The following SMLR1 variants were observed in gnomAD, a reference collection of about 807,000 sequenced individuals.
SMLR1 encodes the protein small leucine-rich protein 1.
A neutral mutation model predicts 6.1 loss-of-function variants in SMLR1; 3 were observed. That is an observed-to-expected ratio of 0.49 (90% CI 0.22 to 1.28). The LOEUF (loss-of-function observed/expected upper bound fraction) is 1.28, where lower values mean the gene tolerates loss of function less well. Ranked by LOEUF, SMLR1 falls within the 50% of genes most tolerant of loss-of-function variation. The probability of loss-of-function intolerance (pLI) is 0.19; values close to 1 mark genes in which losing one functional copy is unlikely to be tolerated. For synonymous variants in SMLR1, 55 were observed against 53.6 expected (o/e 1.03, Z -0.11); for missense variants, 126 against 124.8 (o/e 1.01, Z -0.05).
intron 1 of SMLR1, among the ~76,000 whole-genome samples, chr6:130,834,525 C>T (rs1774577016): frequency 6.6e-6 from 1 of 152,158 alleles, no homozygotes; most frequent in Non-Finnish European, 1.5e-5. Context: ...TGCCCAGACA[C>T]ATTTTTGGGA....
rs370333874 is a variant in SMLR1 at position 130,829,718 on chromosome 6, C to T, written c.238+2067C>T. On this transcript the variant is annotated intron_variant, in intron 1 of 1. Coordinates refer to ENST00000541421, the MANE Select transcript of SMLR1 (RefSeq NM_001195597.2). ...CTCCCAATAACCTCTTGTTTCTTCA[C>T]ACTTCCTTCCCCTTTCTTCATTCCA... Among the ~76,000 whole-genome samples the T allele has an allele frequency of 9.8e-5, 15 of 152,352 alleles. No individual in the cohort carries two copies. In the South Asian group the frequency reaches 3.1e-3, roughly 32 times the overall value.
intron 1 of SMLR1, 22 bp downstream of exon 1, chr6:130,827,673 G>A (rs1040274360): frequency 5.3e-6 from 8 of 1,520,744 alleles, no homozygotes; most frequent in Admixed American, 3.9e-5. Context: ...GCCACACAAG[G>A]AAGAACTTGG....
At chr6:130,828,844 C>T (rs1774356937) in intron 1 of SMLR1, among the ~76,000 whole-genome samples, 1 of 152,142 alleles carries the variant, frequency 6.6e-6, no homozygotes, top group African/African-American at 2.4e-5. Flanking sequence ...CCTCCACTGC[C>T]CTAAGACCAG....
At chr6:130,831,299 T>C (rs1210336278) in intron 1 of SMLR1, among the ~76,000 whole-genome samples, 2 of 152,162 alleles carry the variant, frequency 1.3e-5, no homozygotes, top group Admixed American at 1.3e-4. Flanking sequence ...AAACCATCTT[T>C]CGGTTGTATT....
At chr6:130,829,637 TG>T (rs1469362685) in intron 1 of SMLR1, among the ~76,000 whole-genome samples, 1 of 152,242 alleles carries the variant, frequency 6.6e-6, no homozygotes, top group Non-Finnish European at 1.5e-5. Flanking sequence ...ACCTTAAGTT[TG>T]TAACTCAATA....
intron 1 of SMLR1, among the ~76,000 whole-genome samples, chr6:130,833,059 C>T (rs1413755): frequency 0.26 from 40,105 of 152,054 alleles, 6,613 homozygotes; most frequent in Non-Finnish European, 0.37. Flanking sequence ...TCCACAACCA[C>T]GACCTTGGGT....
At position 130,835,236 on chromosome 6, in the gene SMLR1, T is replaced by C. The variant is rs1774617021; in HGVS notation, c.*281T>C. The C allele has an allele frequency of 3.1e-6, 1 of 325,442 alleles. No homozygotes were observed. Among genetic ancestry groups the C allele is most frequent in the African/African-American group, 2.1e-5 (1 of 48,412 alleles). The allele number at this position is 325,442 out of a possible 1,614,324, so 20.2% of individuals were successfully genotyped here. On this transcript the variant is annotated 3_prime_UTR_variant, in exon 2 of 2. Coordinates refer to ENST00000541421, the MANE Select transcript of SMLR1 (RefSeq NM_001195597.2). ...AACTTTTTAACTTTTATTGTGACTGTGTCTGCTCTAAACGGCATATTTAAA... is the reference window on the plus strand; with the variant it reads ...AACTTTTTAACTTTTATTGTGACTGCGTCTGCTCTAAACGGCATATTTAAA...
chr6:130,833,246 T>C (rs537796011), intron 1 of SMLR1, among the ~76,000 whole-genome samples: 8 of 152,308 alleles, frequency 5.3e-5, no homozygotes, highest in Admixed American at 1.3e-4. Flanking sequence ...GATGATTCAC[T>C]GTAGATTGAC....
At chr6:130,831,070 G>C (rs1004465288) in intron 1 of SMLR1, among the ~76,000 whole-genome samples, 1 of 152,132 alleles carries the variant, frequency 6.6e-6, no homozygotes, top group Non-Finnish European at 1.5e-5. Flanking sequence ...GAACTCTCTC[G>C]GGGTCTGGAT....
chr6:130,831,812 A>T (rs1774458471), intron 1 of SMLR1, among the ~76,000 whole-genome samples: 1 of 152,232 alleles, frequency 6.6e-6, no homozygotes, highest in Non-Finnish European at 1.5e-5. Context: ...TGCCTGTCTC[A>T]TACAGCTGGG....
At chr6:130,830,383 C>T (rs1774404175) in intron 1 of SMLR1, among the ~76,000 whole-genome samples, 1 of 152,018 alleles carries the variant, frequency 6.6e-6, no homozygotes, top group African/African-American at 2.4e-5. Context: ...GTAGGAATTA[C>T]AGGAAGAGTG....
chr6:130,832,234 T>A (rs1774481630), intron 1 of SMLR1, among the ~76,000 whole-genome samples: 1 of 152,160 alleles, frequency 6.6e-6, no homozygotes, highest in African/African-American at 2.4e-5. Flanking sequence ...AATTGTTGTC[T>A]AAAATGACAA....
chr6:130,833,365 C>T (rs991251366), intron 1 of SMLR1, among the ~76,000 whole-genome samples: 5 of 152,118 alleles, frequency 3.3e-5, no homozygotes, highest in African/African-American at 4.8e-5. Flanking sequence ...AATCTGTATC[C>T]TGGTCCCTCA....
At chr6:130,831,457 C>A (rs1332559182) in intron 1 of SMLR1, among the ~76,000 whole-genome samples, 1 of 152,036 alleles carries the variant, frequency 6.6e-6, no homozygotes, top group Non-Finnish European at 1.5e-5. Flanking sequence ...TAGTCTTTCT[C>A]CTAAGAAGAA....
Position 130,832,490 on chromosome 6 carries a change from A to G in SMLR1, c.239-2380A>G, listed in dbSNP as rs774833485. Among the ~76,000 whole-genome samples the G allele has an allele frequency of 1.1e-3, 160 of 152,280 alleles. 1 individual carries two copies. The highest frequency in any genetic ancestry group is 5.4e-4 in the Non-Finnish European group (37 of 68,010). On this transcript the variant is annotated intron_variant, in intron 1 of 1. Coordinates refer to ENST00000541421, the MANE Select transcript of SMLR1 (RefSeq NM_001195597.2). ...TTGAAGCTTCGGCCTCCTGGTCTGT[A>G]AAATAGAAATAACAGCAGGACATAC...
At chr6:130,831,493 T>C (rs1475673419) in intron 1 of SMLR1, among the ~76,000 whole-genome samples, 2 of 152,188 alleles carry the variant, frequency 1.3e-5, no homozygotes, top group Non-Finnish European at 2.9e-5. Context: ...TAAGAACATG[T>C]ACCTTTGAAA....
intron 1 of SMLR1, among the ~76,000 whole-genome samples, chr6:130,833,382 G>A (rs1392446028): frequency 6.6e-6 from 1 of 152,108 alleles, no homozygotes; most frequent in East Asian, 1.9e-4. Flanking sequence ...CTCATTCAAA[G>A]CACCCTATTG....
intron 1 of SMLR1, among the ~76,000 whole-genome samples, chr6:130,834,108 C>T (rs1049159289): frequency 2.0e-5 from 3 of 152,036 alleles, no homozygotes; most frequent in African/African-American, 4.8e-5. Flanking sequence ...TTCTGATGTA[C>T]GAGGAAGATC....
At chr6:130,834,732 T>C (rs948824379) in intron 1 of SMLR1, 138 bp from the exon 2 acceptor site, 21 of 654,098 alleles carry the variant, frequency 3.2e-5, no homozygotes, top group Non-Finnish European at 5.4e-5. Context: ...TGTAATAGGA[T>C]CTGCTTGGAA....
Sources: gnomAD v4.1 joint callset for allele counts (sites outside exome capture counted in the v4.1 genomes callset) on GRCh38, gnomAD v4.1.1 for gene constraint, MANE v1.5 for transcripts, NCBI Gene and HGNC (gene_info 2026-07-23, HGNC 2026-07-21) for gene names.